SNRK: variants seen among roughly 807,000 people sequenced by gnomAD.
The protein encoded by SNRK is SNF related kinase.
In SNRK, 3 loss-of-function variants were observed where a neutral mutation model predicts 48.2. The observed-to-expected ratio is 0.06, with a 90% CI of 0.03 to 0.16. The LOEUF (loss-of-function observed/expected upper bound fraction) is 0.16. SNRK is among the 10% of genes least tolerant of loss of function. SNRK has a pLI of 1.00. For missense variants in SNRK, 627 were observed against 976.0 expected (o/e 0.64, Z 4.76); for synonymous variants, 376 against 366.1 (o/e 1.03, Z -0.31).
At chr3:43,316,230 T>A (rs1032094895) in intron 3 of SNRK, among the ~76,000 whole-genome samples, 1 of 152,186 alleles carries the variant, frequency 6.6e-6, no homozygotes, top group Non-Finnish European at 1.5e-5. Flanking sequence ...GTTATAAGGC[T>A]CAGATCAAAC....
intron 2 of SNRK, 135 bp from the exon 3 acceptor site, chr3:43,302,963 C>A: frequency 2.5e-6 from 1 of 400,214 alleles, no homozygotes; most frequent in Non-Finnish European, 4.4e-6. Context: ...TTATTAATGA[C>A]CCTGACTCAT....
At chr3:43,291,173 A>G (rs556181630) in intron 1 of SNRK, among the ~76,000 whole-genome samples, 3 of 152,210 alleles carry the variant, frequency 2.0e-5, no homozygotes, top group Non-Finnish European at 4.4e-5. Context: ...TGCGCTCTGC[A>G]TATATTGTTG....
Position 43,304,695 on chromosome 3 carries a change from T to C in SNRK, c.589+903T>C, listed in dbSNP as rs1336112349. On this transcript the variant is annotated intron_variant, in intron 3 of 6. Coordinates refer to ENST00000296088, the MANE Select transcript of SNRK (RefSeq NM_017719.5). The stretch of plus-strand genomic sequence containing the variant: ...ATACATGCACATGATGTCAGATTCA[T>C]ATGTATGAGTATTCTGCTTGCATTT... Among the ~76,000 whole-genome samples, 5 of 152,230 alleles carry C rather than the reference T, an allele frequency of 3.3e-5. No individual in the cohort carries two copies. In the East Asian group the frequency reaches 7.7e-4, roughly 24 times the overall value.
chr3:43,300,044 T>C (rs1485554887), intron 2 of SNRK, among the ~76,000 whole-genome samples: 2 of 152,226 alleles, frequency 1.3e-5, no homozygotes, highest in African/African-American at 2.4e-5. Context: ...GTCTAAACTT[T>C]CAGTTAATCA....
chr3:43,293,981 C>T (rs2090833405), intron 1 of SNRK, among the ~76,000 whole-genome samples: 1 of 151,642 alleles, frequency 6.6e-6, no homozygotes, highest in African/African-American at 2.4e-5. Context: ...TTTTTTTAAA[C>T]TTAACATTAT....
intron 1 of SNRK, among the ~76,000 whole-genome samples, chr3:43,297,118 A>G (rs970618251): frequency 3.9e-5 from 6 of 152,206 alleles, no homozygotes; most frequent in South Asian, 2.1e-4. Flanking sequence ...TCTTAGCTGT[A>G]TAGTCATTTA....
intron 3 of SNRK, 111 bp from the exon 4 acceptor site, chr3:43,332,058 G>C: frequency 1.3e-6 from 1 of 772,888 alleles, no homozygotes; most frequent in Non-Finnish European, 1.8e-6. Flanking sequence ...TTTGTACTTT[G>C]AGATATAAAT....
chr3:43,324,527 GAATA>G (rs1333091827), intron 3 of SNRK, among the ~76,000 whole-genome samples: 2 of 139,630 alleles, frequency 1.4e-5, no homozygotes, highest in Non-Finnish European at 3.1e-5. Context: ...AAAAAAAAAA[GAATA>G]AATCTTACTG....
At chr3:43,294,724 A>C (rs1218292999) in intron 1 of SNRK, among the ~76,000 whole-genome samples, 1 of 148,852 alleles carries the variant, frequency 6.7e-6, no homozygotes, top group African/African-American at 2.5e-5. Context: ...TTTATTGATT[A>C]GTTTTTTTTT....
At chr3:43,324,508 CA>C (rs11299310) in intron 3 of SNRK, among the ~76,000 whole-genome samples, 39,053 of 96,366 alleles carry the variant, frequency 0.41, 5,158 homozygotes, top group Middle Eastern at 0.5. Context: ...GACTCTGTCT[CA>C]AAAAAAAAAA....
intron 6 of SNRK, among the ~76,000 whole-genome samples, chr3:43,344,622 C>T (rs958953013): frequency 6.6e-6 from 1 of 152,000 alleles, no homozygotes; most frequent in Non-Finnish European, 1.5e-5. Context: ...TTAACTAGAA[C>T]ATGAATTTAG....
At chr3:43,289,379 A>G (rs1002051548) in intron 1 of SNRK, among the ~76,000 whole-genome samples, 2 of 152,164 alleles carry the variant, frequency 1.3e-5, no homozygotes, top group African/African-American at 4.8e-5. Flanking sequence ...GAGACAATGC[A>G]ACTGTTCTTT....
intron 1 of SNRK, among the ~76,000 whole-genome samples, chr3:43,291,449 G>A (rs2090811847): frequency 6.6e-6 from 1 of 152,130 alleles, no homozygotes; most frequent in Admixed American, 6.5e-5. Flanking sequence ...AGAGGATGAG[G>A]TTACTGATAA....
intron 3 of SNRK, among the ~76,000 whole-genome samples, chr3:43,314,486 T>G (rs756967794): frequency 1.3e-5 from 2 of 152,180 alleles, no homozygotes; most frequent in Non-Finnish European, 2.9e-5. Flanking sequence ...TCTTGACATA[T>G]TCAAGCCAAG....
intron 1 of SNRK, among the ~76,000 whole-genome samples, chr3:43,286,959 C>T (rs1451651197): frequency 6.9e-6 from 1 of 145,618 alleles, no homozygotes; most frequent in Non-Finnish European, 1.5e-5. Context: ...CCGCGGTCGC[C>T]TGGAGGCCCT....
Position 43,303,826 on chromosome 3 carries a change from A to G in SNRK, c.589+34A>G. The G allele has an allele frequency of 7.0e-7, 1 of 1,430,162 alleles. No homozygotes were observed. Among genetic ancestry groups the G allele is most frequent in the Non-Finnish European group, 9.7e-7 (1 of 1,028,700 alleles). 88.6% of individuals were successfully genotyped at this position (1,430,162 alleles called of 1,614,324 possible). ...CCTCGGTCCAGTATTTGGCCATTTG[A>G]ATTCTGCCAGCTAGAGTTGGTCAGA... On this transcript the variant is annotated intron_variant, in intron 3 of 6. Transcript: ENST00000296088. This position sits in a 1 kb window ranked among gnomAD's most constrained non-coding sequence, Gnocchi z 6.2.
intron 4 of SNRK, chr3:43,332,511 G>C (rs1164088220): frequency 2.7e-6 from 1 of 374,564 alleles, no homozygotes; most frequent in Non-Finnish European, 4.7e-6. Flanking sequence ...CCCTGAATAT[G>C]ATCTGAAATT....
chr3:43,312,856 A>G (rs1174827575), intron 3 of SNRK, among the ~76,000 whole-genome samples: 1 of 152,216 alleles, frequency 6.6e-6, no homozygotes, highest in African/African-American at 2.4e-5. Flanking sequence ...AAATACCTAG[A>G]TACACATCTA....
chr3:43,312,721 A>T (rs2090987321), intron 3 of SNRK, among the ~76,000 whole-genome samples: 1 of 152,218 alleles, frequency 6.6e-6, no homozygotes, highest in African/African-American at 2.4e-5. Context: ...CCACAGAAAA[A>T]TTCCTAGAAT....
Sources: allele counts gnomAD v4.1 joint callset (sites outside exome capture counted in the v4.1 genomes callset), GRCh38; gene constraint gnomAD v4.1.1; non-coding constraint Gnocchi (gnomAD v3.1); transcripts MANE v1.5; gene names NCBI Gene and HGNC (gene_info 2026-07-23, HGNC 2026-07-21).